ACTN1: variants seen among roughly 807,000 people sequenced by gnomAD.
ACTN1 encodes alpha-actinin-1.
A neutral mutation model predicts 119.6 loss-of-function variants in ACTN1; 30 were observed. The observed-to-expected ratio is 0.25, with a 90% CI of 0.19 to 0.34. The LOEUF is 0.34. Among genes scored for constraint, ACTN1 ranks in the 10% least tolerant of loss-of-function variants. ACTN1 has a pLI of 1.00. For synonymous variants in ACTN1, 429 were observed against 472.6 expected (o/e 0.91, Z 1.20); for missense variants, 764 against 1,223.4 (o/e 0.62, Z 5.60).
At chr14:68,889,342 C>T (rs2032292817) in intron 11 of ACTN1, among the ~76,000 whole-genome samples, 1 of 152,198 alleles carries the variant, frequency 6.6e-6, no homozygotes, top group African/African-American at 2.4e-5. Context: ...GAGATGAAAA[C>T]CACAAGCATG....
chr14:68,916,564 T>A (rs535139775), intron 3 of ACTN1, among the ~76,000 whole-genome samples: 2 of 152,238 alleles, frequency 1.3e-5, no homozygotes, highest in East Asian at 1.9e-4. Context: ...CTGACTCCCA[T>A]CCCATCCACT....
intron 1 of ACTN1, among the ~76,000 whole-genome samples, chr14:68,951,991 G>A (rs142016729): frequency 1.3e-3 from 192 of 152,282 alleles, no homozygotes; most frequent in African/African-American, 4.3e-3. Context: ...CCCCAGGGCC[G>A]GCCCTTTAAG....
At chr14:68,919,488 G>A (rs1051709035) in intron 3 of ACTN1, among the ~76,000 whole-genome samples, 3 of 152,266 alleles carry the variant, frequency 2.0e-5, no homozygotes, top group African/African-American at 7.2e-5. Context: ...TTATAAGGCA[G>A]AGAACATCTT....
chr14:68,885,330 C>CCCA lies in ACTN1; in HGVS notation c.1385+94_1385+95insTGG. ...GGGCACCCACCTGTACCCACCCTCC[C>CCCA]CATCTTCCACGGCCACACCCCCACC... On this transcript the variant is annotated intron_variant, in intron 12 of 21. Coordinates refer to ENST00000394419, the MANE Select transcript of ACTN1 (RefSeq NM_001130004.2). This position sits in a 1 kb window ranked among gnomAD's most constrained non-coding sequence, Gnocchi z 5.6. 6.9e-7 allele frequency: 1 copy of CCCA among 1,440,496 alleles called. No individual in the cohort carries two copies. The highest frequency in any genetic ancestry group is 9.2e-7 in the Non-Finnish European group (1 of 1,084,758). 89.2% of individuals were successfully genotyped at this position (1,440,496 alleles called of 1,614,324 possible). A position where few individuals can be genotyped will look rare whatever the true frequency, so the allele number is the denominator to read the frequency against.
Position 68,875,032 on chromosome 14 carries a change from T to C in ACTN1, c.2587-15A>G, listed in dbSNP as rs768184934. On this transcript the variant is annotated splice_polypyrimidine_tract_variant and intron_variant, in intron 21 of 21. Coordinates refer to ENST00000394419, the MANE Select transcript of ACTN1 (RefSeq NM_001130004.2). ...GTAATGTAGTTCTGCGAGGAGAGAG[T>C]GGTCAGGAAGGCCGCAAAGTCCAGC... The C allele has an allele frequency of 1.9e-6, 3 of 1,611,384 alleles. No homozygotes were observed. Among genetic ancestry groups the C allele is most frequent in the East Asian group, 4.5e-5 (2 of 44,844 alleles).
intron 8 of ACTN1, among the ~76,000 whole-genome samples, chr14:68,901,586 G>A (rs1007062710): frequency 2.0e-5 from 3 of 151,456 alleles, no homozygotes; most frequent in African/African-American, 7.2e-5. Flanking sequence ...ATGCCATGTG[G>A]AGGGCAGGAG....
rs915087111 is a variant in ACTN1 at position 68,936,043 on chromosome 14, C to T, written c.106-10371G>A. On this transcript the variant is annotated intron_variant, in intron 1 of 21. Transcript: ENST00000394419. ...GTGACCTCAGATAAGTCACTTCAAT[C>T]CCTTCCAGCTCTGCTAGCGCAAACA... Among the ~76,000 whole-genome samples the T allele has an allele frequency of 2.6e-5, 4 of 152,230 alleles. No homozygotes were observed. The East Asian group carries it at 7.7e-4, about 29-fold the overall frequency.
intron 8 of ACTN1, among the ~76,000 whole-genome samples, chr14:68,900,016 G>A (rs1302182926): frequency 6.6e-6 from 1 of 152,086 alleles, no homozygotes; most frequent in African/African-American, 2.4e-5. Context: ...CAGAGGAGGG[G>A]CTGAGAGGGG....
At chr14:68,922,096 C>T (rs1029491671) in intron 2 of ACTN1, among the ~76,000 whole-genome samples, 1 of 152,160 alleles carries the variant, frequency 6.6e-6, no homozygotes, top group African/African-American at 2.4e-5. Flanking sequence ...CTCTAAGGGG[C>T]CAAGGACCCC....
At chr14:68,881,579 C>G (rs144984743) in intron 16 of ACTN1, among the ~76,000 whole-genome samples, 23 of 152,284 alleles carry the variant, frequency 1.5e-4, no homozygotes, top group African/African-American at 5.3e-4. Flanking sequence ...TATTTCCTGC[C>G]TGTCTACTAA....
At position 68,936,153 on chromosome 14, in the gene ACTN1, G is replaced by A. The variant is rs145179151; in HGVS notation, c.106-10481C>T. Among the ~76,000 whole-genome samples, 205 of 152,198 alleles carry A rather than the reference G, an allele frequency of 1.3e-3. 2 individuals carry two copies. In the South Asian group the frequency reaches 0.034, roughly 25 times the overall value. ...GAGAAGACACAACCAAACAGCACCCGGCAACAATCTTTTGTTCCTGTGTAG... is the reference window on the plus strand; with the variant it reads ...GAGAAGACACAACCAAACAGCACCCAGCAACAATCTTTTGTTCCTGTGTAG... On this transcript the variant is annotated intron_variant, in intron 1 of 21. Coordinates refer to ENST00000394419, the MANE Select transcript of ACTN1 (RefSeq NM_001130004.2).
At chr14:68,923,773 GA>G (rs1469775650) in intron 2 of ACTN1, among the ~76,000 whole-genome samples, 2 of 152,178 alleles carry the variant, frequency 1.3e-5, no homozygotes, top group African/African-American at 4.8e-5. Context: ...AAAAAGAACT[GA>G]AAGAGGGATT....
In ACTN1 at chr14:68,901,814, C is replaced by T. The variant is rs560572884; in HGVS notation, c.762+663G>A. On this transcript the variant is annotated intron_variant, in intron 8 of 21. Coordinates refer to ENST00000394419, the MANE Select transcript of ACTN1 (RefSeq NM_001130004.2). ...GACTGAACTTTAATCTCAGGCCTCC[C>T]GGAGCAAAACTGGGCCAGGACACTT... 9.1e-4 allele frequency among the ~76,000 whole-genome samples: 138 copies of T among 152,362 alleles called. 1 individual carries two copies. Among genetic ancestry groups the T allele is most frequent in the Middle Eastern group, 3.4e-3 (1 of 294 alleles).
chr14:68,950,477 T>TATATATATATATATATATATATATATAA (rs1349794768), intron 1 of ACTN1, among the ~76,000 whole-genome samples: 1 of 144,884 alleles, frequency 6.9e-6, no homozygotes, highest in African/African-American at 2.9e-5. Flanking sequence ...TATATATATA[T>TATATATATATATATATATATATATATAA]AAATCAAACA....
intron 1 of ACTN1, among the ~76,000 whole-genome samples, chr14:68,963,744 C>G (rs1286504250): frequency 1.3e-5 from 2 of 152,250 alleles, no homozygotes; most frequent in Non-Finnish European, 2.9e-5. Context: ...CTTGTCCTTT[C>G]TCACTTGAGA....
At chr14:68,961,114 T>C (rs1056745346) in intron 1 of ACTN1, among the ~76,000 whole-genome samples, 29 of 152,144 alleles carry the variant, frequency 1.9e-4, no homozygotes, top group Admixed American at 1.5e-3. Context: ...AGACTTTTAA[T>C]ATATCCACCT....
At chr14:68,921,490 G>C (rs2034649547) in intron 2 of ACTN1, 1 of 167,118 alleles carries the variant, frequency 6.0e-6, no homozygotes, top group East Asian at 1.7e-4. Flanking sequence ...AGGAGAGACA[G>C]ACCTTAAATA....
intron 21 of ACTN1, among the ~76,000 whole-genome samples, chr14:68,876,872 G>A (rs1216445698): frequency 1.3e-5 from 2 of 152,150 alleles, no homozygotes; most frequent in African/African-American, 4.8e-5. Context: ...CAGTGATCCT[G>A]GAAGGGTCAC....
chr14:68,976,904 CT>C (rs776129498), intron 1 of ACTN1, among the ~76,000 whole-genome samples: 33 of 152,242 alleles, frequency 2.2e-4, no homozygotes, highest in Non-Finnish European at 4.6e-4. Flanking sequence ...GCCCAAAGGC[CT>C]GGGGCACACC....
Sources: gnomAD v4.1 joint callset for allele counts (sites outside exome capture counted in the v4.1 genomes callset) on GRCh38, gnomAD v4.1.1 for gene constraint, Gnocchi (gnomAD v3.1) non-coding constraint, MANE v1.5 for transcripts, NCBI Gene and HGNC (gene_info 2026-07-23, HGNC 2026-07-21) for gene names.